The following FTO variants were observed in gnomAD, a reference collection of about 807,000 sequenced individuals.
FTO encodes FTO alpha-ketoglutarate dependent dioxygenase.
FTO carries 47 observed loss-of-function variants against 63.9 expected under a neutral mutation model. The observed-to-expected ratio is 0.74, with a 90% CI of 0.58 to 0.94. The LOEUF (loss-of-function observed/expected upper bound fraction) is 0.94, where lower values mean the gene tolerates loss of function less well. Ranked by LOEUF, FTO falls within the 40% of genes least tolerant of loss-of-function variation. FTO has a pLI of 0.00. For synonymous variants in FTO, 207 were observed against 224.4 expected, an observed-to-expected ratio of 0.92 and a Z score of 0.69; for missense variants, 562 against 618.1, an observed-to-expected ratio of 0.91 and a Z score of 0.96.
intron 3 of FTO, 93 bp from the exon 4 acceptor site, chr16:53,844,062 T>A: frequency 1.8e-5 from 17 of 947,600 alleles, no homozygotes; most frequent in East Asian, 2.7e-5. Context: ...TCATATTTTA[T>A]TAAAATATCA....
At position 54,118,191 on chromosome 16, in the gene FTO, G is replaced by C. The variant is rs2086984720; in HGVS notation, c.*6276G>C. The C allele has an allele frequency of 6.6e-6, 1 of 152,160 alleles. No individual in the cohort carries two copies. Among genetic ancestry groups the C allele is most frequent in the South Asian group, 2.1e-4 (1 of 4,830 alleles). 9.4% of individuals were successfully genotyped at this position (152,160 alleles called of 1,614,324 possible). The stretch of plus-strand genomic sequence containing the variant: ...GTAGTTTCCTGCTGAGAGATGGGAA[G>C]TGCTGGCCTAGGACAGCAAGGTGCC... On this transcript the variant is annotated 3_prime_UTR_variant, in exon 9 of 9. Transcript: ENST00000471389.
At chr16:53,769,539 A>G (rs1195798270) in intron 1 of FTO, among the ~76,000 whole-genome samples, 1 of 152,188 alleles carries the variant, frequency 6.6e-6, no homozygotes, top group Admixed American at 6.5e-5. Context: ...AGTGTTAGAT[A>G]TCATTTTTAT....
intron 8 of FTO, among the ~76,000 whole-genome samples, chr16:53,968,696 A>G (rs747803161): frequency 3.3e-5 from 5 of 152,228 alleles, no homozygotes; most frequent in Non-Finnish European, 7.3e-5. Context: ...GTGTGTGTTG[A>G]GTCAGATTAA....
chr16:53,841,572 G>T (rs8053367), intron 3 of FTO, among the ~76,000 whole-genome samples: 69,113 of 151,958 alleles, frequency 0.45, 16,222 homozygotes, highest in South Asian at 0.55. Context: ...GCTTTCTGAT[G>T]TGTTCATTTT....
chr16:53,806,763 G>T (rs1187531676), intron 1 of FTO, among the ~76,000 whole-genome samples: 4 of 152,168 alleles, frequency 2.6e-5, no homozygotes, highest in Non-Finnish European at 4.4e-5. Flanking sequence ...GATGTAATGA[G>T]TATCCTCATG....
intron 1 of FTO, among the ~76,000 whole-genome samples, chr16:53,766,883 A>G (rs537002070): frequency 6.6e-6 from 1 of 152,110 alleles, no homozygotes; most frequent in Non-Finnish European, 1.5e-5. Flanking sequence ...AAGCCCAACA[A>G]ACGCGTTCCT....
In FTO at chr16:53,932,150, C is replaced by T. The variant is rs117088492; in HGVS notation, c.1240-1835C>T. Among the ~76,000 whole-genome samples, 253 of 152,214 alleles carry T rather than the reference C, an allele frequency of 1.7e-3. 3 individuals are homozygous for T. In the East Asian group the frequency reaches 0.031, roughly 18 times the overall value. On this transcript the variant is annotated intron_variant, in intron 7 of 8. Transcript: ENST00000471389. ...ACTGGAATTACCTAGAGAAGCTGAA[C>T]ATTCCTCCTTGTGCTGGAGGGCTGA...
intron 1 of FTO, among the ~76,000 whole-genome samples, chr16:53,807,998 A>G (rs2078416439): frequency 6.6e-6 from 1 of 152,206 alleles, no homozygotes; most frequent in Non-Finnish European, 1.5e-5. Context: ...CATTAGTATT[A>G]TAACTATAAA....
At chr16:53,995,529 TCA>T (rs2083914621) in intron 8 of FTO, among the ~76,000 whole-genome samples, 1 of 152,206 alleles carries the variant, frequency 6.6e-6, no homozygotes, top group South Asian at 2.1e-4. Context: ...TATTTTGGTT[TCA>T]CAGCCAGGTA....
At chr16:53,771,088 G>A (rs965511995) in intron 1 of FTO, among the ~76,000 whole-genome samples, 2 of 152,086 alleles carry the variant, frequency 1.3e-5, no homozygotes, top group African/African-American at 4.8e-5. Flanking sequence ...AGACTTTCGC[G>A]AAAGGGATTG....
intron 8 of FTO, chr16:54,070,031 A>G (rs1440592274): frequency 6.6e-6 from 1 of 151,864 alleles, no homozygotes; most frequent in Non-Finnish European, 1.5e-5. Flanking sequence ...CTCATTTAAC[A>G]GGTTATCTCA....
chr16:53,960,453 G>C (rs970948943), intron 8 of FTO, among the ~76,000 whole-genome samples: 2 of 152,222 alleles, frequency 1.3e-5, no homozygotes, highest in Non-Finnish European at 2.9e-5. Flanking sequence ...AGGAGGGAAA[G>C]TATGAATTTT....
chr16:53,904,696 G>A (rs1279029874), intron 7 of FTO, among the ~76,000 whole-genome samples: 1 of 152,156 alleles, frequency 6.6e-6, no homozygotes, highest in East Asian at 1.9e-4. Flanking sequence ...TGGAAACATG[G>A]CACTTTGCCT....
intron 8 of FTO, among the ~76,000 whole-genome samples, chr16:53,963,274 G>C (rs1371324586): frequency 6.6e-6 from 1 of 152,112 alleles, no homozygotes; most frequent in South Asian, 2.1e-4. Context: ...TCAAGCAGGA[G>C]TGGTAAGCTC....
intron 8 of FTO, among the ~76,000 whole-genome samples, chr16:53,963,026 CTT>C (rs72544937): frequency 0.023 from 3,499 of 152,196 alleles, 121 homozygotes; most frequent in African/African-American, 0.079. Context: ...TAAGACTAAT[CTT>C]TATTCTATTT....
At position 53,725,678 on chromosome 16, in the gene FTO, C is replaced by G. The variant is rs143214181; in HGVS notation, c.45+21449C>G. ...CATATAAGCTTTGATAGTGGGATGT[C>G]TTGGCTTTGTTCCTTGTAGATGATG... On this transcript the variant is annotated intron_variant, in intron 1 of 8. Transcript: ENST00000471389. Among the ~76,000 whole-genome samples, 28 of 152,256 alleles carry G rather than the reference C, an allele frequency of 1.8e-4. No individual in the cohort carries two copies. The East Asian group carries it at 5.4e-3, about 29-fold the overall frequency.
chr16:54,041,440 G>A (rs907404657), intron 8 of FTO, among the ~76,000 whole-genome samples: 1 of 152,120 alleles, frequency 6.6e-6, no homozygotes, highest in African/African-American at 2.4e-5. Flanking sequence ...TGGAGACACA[G>A]AGCCAAACCA....
At chr16:53,860,398 A>T (rs545081166) in intron 4 of FTO, among the ~76,000 whole-genome samples, 1 of 152,362 alleles carries the variant, frequency 6.6e-6, no homozygotes, top group South Asian at 2.1e-4. Flanking sequence ...AATGTACAGC[A>T]TAGTAACTGT....
intron 1 of FTO, among the ~76,000 whole-genome samples, chr16:53,727,980 G>A (rs947640870): frequency 1.3e-5 from 2 of 152,126 alleles, no homozygotes; most frequent in African/African-American, 4.8e-5. Flanking sequence ...AGTGGTTCAT[G>A]CCTGTAATTC....
Sources: allele counts gnomAD v4.1 joint callset (sites outside exome capture counted in the v4.1 genomes callset), GRCh38; gene constraint gnomAD v4.1.1; transcripts MANE v1.5; gene names NCBI Gene and HGNC (gene_info 2026-07-23, HGNC 2026-07-21).